RSPRY1: variants seen among roughly 807,000 people sequenced by gnomAD.
The protein encoded by RSPRY1 is RING finger and SPRY domain-containing protein 1.
RSPRY1 carries 23 observed loss-of-function variants against 73.1 expected under a neutral mutation model. The observed-to-expected ratio is 0.31, with a 90% confidence interval of 0.23 to 0.45. The LOEUF is 0.45. Among genes scored for constraint, RSPRY1 ranks in the 20% least tolerant of loss-of-function variants. The probability of loss-of-function intolerance (pLI) is 1.00; values close to 1 mark genes in which losing one functional copy is unlikely to be tolerated. For synonymous variants in RSPRY1, 226 were observed against 251.4 expected (o/e 0.90, Z 0.95); for missense variants, 448 against 698.7 (o/e 0.64, Z 4.05).
chr16:57,225,807 G>A (rs1485870792), intron 10 of RSPRY1, among the ~76,000 whole-genome samples: 3 of 152,136 alleles, frequency 2.0e-5, no homozygotes, highest in South Asian at 2.1e-4. Context: ...TGCCAGGCGC[G>A]GTGGCTCACG....
intron 14 of RSPRY1, among the ~76,000 whole-genome samples, chr16:57,238,496 T>G (rs184077533): frequency 7.2e-5 from 11 of 152,284 alleles, no homozygotes; most frequent in Non-Finnish European, 1.2e-4. Flanking sequence ...AAATGAAAAT[T>G]TACCATATGA....
intron 5 of RSPRY1, 79 bp downstream of exon 5, chr16:57,213,177 C>A: frequency 7.4e-7 from 1 of 1,350,786 alleles, no homozygotes; most frequent in South Asian, 1.4e-5. Context: ...TGTCTTTGAT[C>A]AAACTGCTAT....
At chr16:57,218,963 C>A (rs2074990117) in intron 8 of RSPRY1, among the ~76,000 whole-genome samples, 1 of 123,122 alleles carries the variant, frequency 8.1e-6, no homozygotes, top group African/African-American at 3.3e-5. Context: ...GTCTCGATCT[C>A]CTGACCTCGT....
rs1219699016 is a variant in RSPRY1 at position 57,239,824 on chromosome 16, A to AT, written c.*856dup. The AT allele has an allele frequency of 1.3e-5, 2 of 152,092 alleles. No homozygotes were observed. The highest frequency in any genetic ancestry group is 6.5e-5 in the Admixed American group (1 of 15,276). 9.4% of individuals were successfully genotyped at this position (152,092 alleles called of 1,614,324 possible). A position where few individuals can be genotyped will look rare whatever the true frequency, so the allele number is the denominator to read the frequency against. The stretch of plus-strand genomic sequence containing the variant: ...GATTTCTGTTTTTTTGTTAAAAAAA[A>AT]TTTTTTTAATCAGTATTGTTTTTAC... On this transcript the variant is annotated 3_prime_UTR_variant, in exon 15 of 15. Coordinates refer to ENST00000394420, the MANE Select transcript of RSPRY1 (RefSeq NM_133368.3).
chr16:57,234,989 G>A, intron 13 of RSPRY1, 135 bp from the exon 14 acceptor site: 1 of 623,434 alleles, frequency 1.6e-6, no homozygotes, highest in Non-Finnish European at 2.9e-6. Flanking sequence ...GAGATGGCAT[G>A]TATGAAAACC....
chr16:57,218,720 CTTTTTTTTTTTTTTTTTTTTT>C (rs869295634), intron 8 of RSPRY1, among the ~76,000 whole-genome samples: 2 of 41,120 alleles, frequency 4.9e-5, no homozygotes, highest in Admixed American at 4.6e-4. Flanking sequence ...GCCACATTTT[CTTTTTTTTTTTTTTTTTTTTT>C]TTTTTTTTTT....
intron 1 of RSPRY1, among the ~76,000 whole-genome samples, chr16:57,190,166 A>G (rs1293393542): frequency 6.6e-6 from 1 of 151,896 alleles, no homozygotes; most frequent in African/African-American, 2.4e-5. Flanking sequence ...CCAGGAGTTC[A>G]AGACCAGCCT....
intron 1 of RSPRY1, among the ~76,000 whole-genome samples, chr16:57,203,495 G>GTTTT (rs1487548551): frequency 6.6e-6 from 1 of 152,116 alleles, no homozygotes. Context: ...CTGTCAGCCT[G>GTTTT]TTTTGTTTGT....
intron 11 of RSPRY1, among the ~76,000 whole-genome samples, 158 bp from the exon 12 acceptor site, chr16:57,230,552 AG>A (rs2075199601): frequency 6.6e-6 from 1 of 152,206 alleles, no homozygotes; most frequent in African/African-American, 2.4e-5. Flanking sequence ...ATTGGTGTAT[AG>A]GGGTCAGATC....
In RSPRY1 at chr16:57,239,039, G is replaced by GAA; in HGVS notation, c.*73_*74dup. 42 of 753,840 alleles carry GAA rather than the reference G, an allele frequency of 5.6e-5. No individual in the cohort carries two copies. The highest frequency in any genetic ancestry group is 1.5e-4 in the Admixed American group (5 of 33,164). 46.7% of individuals were successfully genotyped at this position (753,840 alleles called of 1,614,324 possible). A position where few individuals can be genotyped will look rare whatever the true frequency, so the allele number is the denominator to read the frequency against. ...TTCCAGCCAATGTTGAAAAGAAAAAGAAAAAAAAAACTCTCTAATCAGTTG... is the reference window on the plus strand; with the variant it reads ...TTCCAGCCAATGTTGAAAAGAAAAAGAAAAAAAAAAAACTCTCTAATCAGTTG... On this transcript the variant is annotated 3_prime_UTR_variant, in exon 15 of 15. Transcript: ENST00000394420.
intron 10 of RSPRY1, 36 bp from the exon 11 acceptor site, chr16:57,227,306 A>T: frequency 7.0e-7 from 1 of 1,427,750 alleles, no homozygotes; most frequent in Non-Finnish European, 9.9e-7. Flanking sequence ...CAGAGCAGGC[A>T]GACTTGCTAA....
At chr16:57,207,905 G>C in intron 2 of RSPRY1, 153 bp from the exon 3 acceptor site, 1 of 631,954 alleles carries the variant, frequency 1.6e-6, no homozygotes, top group Non-Finnish European at 2.9e-6. Flanking sequence ...CATCCTTACA[G>C]GTCATAGCTC....
In RSPRY1 at chr16:57,216,946, G is replaced by A. The variant is rs375513384; in HGVS notation, c.812G>A (p.Arg271Gln). The A allele has an allele frequency of 1.7e-4, 273 of 1,613,158 alleles. No homozygotes were observed. The highest frequency in any genetic ancestry group is 1.0e-3 in the Admixed American group (63 of 60,014). ...ATTTCTGAATCCAGTATTAGTGACC[G>A]GCTTGTCACATTGGAGTCCTGGGCT... ...LTISESSISDRLVTLESWAND... is the reference protein window; with the variant it reads ...LTISESSISDQLVTLESWAND... The change falls in exon 8 of 15, where the codon CGG (arginine) becomes CAG (glutamine). Residue 271 changes from arginine (R) to glutamine (Q), a missense_variant. Arg to Gln is a conservative substitution (Grantham distance 43, BLOSUM62 1). Coordinates refer to ENST00000394420, the MANE Select transcript of RSPRY1 (RefSeq NM_133368.3).
intron 14 of RSPRY1, among the ~76,000 whole-genome samples, chr16:57,237,159 T>C (rs2075312226): frequency 6.6e-6 from 1 of 152,150 alleles, no homozygotes; most frequent in Admixed American, 6.5e-5. Context: ...GGCAGGTTTT[T>C]TTGAGATGGA....
intron 8 of RSPRY1, among the ~76,000 whole-genome samples, chr16:57,218,736 T>C (rs1379251527): frequency 1.0e-5 from 1 of 97,668 alleles, no homozygotes; most frequent in Non-Finnish European, 2.0e-5. Context: ...TTTTTTTTTT[T>C]TTTTTTTTTT....
At chr16:57,222,076 T>G (rs1319671950) in intron 10 of RSPRY1, among the ~76,000 whole-genome samples, 1 of 152,214 alleles carries the variant, frequency 6.6e-6, no homozygotes, top group Non-Finnish European at 1.5e-5. Flanking sequence ...AATCCAGTTT[T>G]GATCAGGAAT....
At chr16:57,186,295 A>T, upstream of RSPRY1, 2 of 338,914 alleles carry the variant, frequency 5.9e-6, no homozygotes, top group Non-Finnish European at 8.3e-6. Flanking sequence ...TAGGGGACTG[A>T]GGGAGGGCTG....
chr16:57,202,794 T>C (rs2146233069), intron 1 of RSPRY1, among the ~76,000 whole-genome samples: 1 of 151,626 alleles, frequency 6.6e-6, no homozygotes, highest in East Asian at 1.9e-4. Context: ...CTTTTCTTTC[T>C]CCTGTCTTGT....
intron 8 of RSPRY1, among the ~76,000 whole-genome samples, chr16:57,217,734 G>A (rs1597902560): frequency 6.6e-6 from 1 of 152,148 alleles, no homozygotes. Flanking sequence ...GAGCATTTTG[G>A]ATTTTCAGAT....
Sources: gnomAD v4.1 joint callset for allele counts (sites outside exome capture counted in the v4.1 genomes callset) on GRCh38, gnomAD v4.1.1 for gene constraint, MANE v1.5 for transcripts, NCBI Gene and HGNC (gene_info 2026-07-23, HGNC 2026-07-21) for gene names.